Variants in ARHGAP11A observed in about 807,000 individuals in gnomAD.
ARHGAP11A encodes the protein rho GTPase-activating protein 11A.
ARHGAP11A carries 36 observed loss-of-function variants against 60.5 expected under a neutral mutation model. That is an observed-to-expected ratio of 0.59 (90% CI 0.46 to 0.79). The LOEUF is 0.79. Among genes scored for constraint, ARHGAP11A ranks in the 30% least tolerant of loss-of-function variants. ARHGAP11A has a pLI of 0.00. For missense variants in ARHGAP11A, 1,071 were observed against 1,199.2 expected, an observed-to-expected ratio of 0.89 and a Z score of 1.58; for synonymous variants, 362 against 415.5, an observed-to-expected ratio of 0.87 and a Z score of 1.57.
At chr15:32,626,931 A>G (rs1595767001) in intron 6 of ARHGAP11A, among the ~76,000 whole-genome samples, 1 of 152,308 alleles carries the variant, frequency 6.6e-6, no homozygotes, top group East Asian at 1.9e-4. Context: ...AAAGACACGA[A>G]TTCCAAGTAT....
At chr15:32,627,720 C>G (rs1176121957) in intron 6 of ARHGAP11A, among the ~76,000 whole-genome samples, 1 of 152,050 alleles carries the variant, frequency 6.6e-6, no homozygotes, top group Non-Finnish European at 1.5e-5. Flanking sequence ...CATAGCGAGA[C>G]TCCGTCTCAA....
At chr15:32,631,532 T>G (rs1052537752) in intron 8 of ARHGAP11A, among the ~76,000 whole-genome samples, 1 of 152,042 alleles carries the variant, frequency 6.6e-6, no homozygotes, top group Non-Finnish European at 1.5e-5. Flanking sequence ...ACTCCCGACA[T>G]TAGCTGATCA....
intron 1 of ARHGAP11A, among the ~76,000 whole-genome samples, chr15:32,619,181 A>G (rs1486789146): frequency 1.3e-5 from 2 of 152,326 alleles, no homozygotes; most frequent in Non-Finnish European, 2.9e-5. Flanking sequence ...TTCTTGGTTG[A>G]TAACTTGTGA....
chr15:32,626,217 C>T (rs535668556), intron 6 of ARHGAP11A, among the ~76,000 whole-genome samples: 9 of 150,588 alleles, frequency 6.0e-5, no homozygotes, highest in African/African-American at 2.2e-4. Flanking sequence ...AGAATTGAGA[C>T]TTGGAAGTAG....
At chr15:32,629,149 A>G (rs2053533080) in intron 7 of ARHGAP11A, among the ~76,000 whole-genome samples, 2 of 148,936 alleles carry the variant, frequency 1.3e-5, no homozygotes, top group Non-Finnish European at 3.0e-5. Context: ...TCAATTTTTT[A>G]TTCTAATTTG....
intron 6 of ARHGAP11A, among the ~76,000 whole-genome samples, chr15:32,627,967 G>A (rs145445608): frequency 0.045 from 6,877 of 151,830 alleles, 173 homozygotes; most frequent in Middle Eastern, 0.078. Context: ...ACGCTACCAC[G>A]CCTGGCTAAT....
chr15:32,639,705 T>TA lies in ARHGAP11A; in HGVS notation c.*1861dup, dbSNP rs1175626831. The TA allele has an allele frequency of 2.6e-5, 4 of 152,212 alleles. No individual in the cohort carries two copies. The highest frequency in any genetic ancestry group is 4.8e-5 in the African/African-American group (2 of 41,450). 9.4% of individuals were successfully genotyped at this position (152,212 alleles called of 1,614,324 possible). A position where few individuals can be genotyped will look rare whatever the true frequency, so the allele number is the denominator to read the frequency against. Reference sequence around the variant, plus strand: ...TATTTTTGTTAGCTGAAAGCTGCTATACGGAGTATTACAGGAATGTGAAGG... The same window carrying TA: ...TATTTTTGTTAGCTGAAAGCTGCTATAACGGAGTATTACAGGAATGTGAAGG... On this transcript the variant is annotated 3_prime_UTR_variant, in exon 12 of 12. Coordinates refer to ENST00000361627, the MANE Select transcript of ARHGAP11A (RefSeq NM_014783.6).
rs1326653448 is a variant in ARHGAP11A at position 32,639,230 on chromosome 15, C to G, written c.*1385C>G. On this transcript the variant is annotated 3_prime_UTR_variant, in exon 12 of 12. Transcript: ENST00000361627. ...AGGAATAAGCAGACAGAATCAACCA[C>G]TAAAGGTAGTTTTTCAGATTGGTTG... 6.6e-6 allele frequency: 1 copy of G among 152,184 alleles called. No individual in the cohort carries two copies. The highest frequency in any genetic ancestry group is 2.4e-5 in the African/African-American group (1 of 41,446). 9.4% of individuals were successfully genotyped at this position (152,184 alleles called of 1,614,324 possible). A position where few individuals can be genotyped will look rare whatever the true frequency, so the allele number is the denominator to read the frequency against.
chr15:32,634,142 C>T (rs2053650720), intron 10 of ARHGAP11A, 101 bp downstream of exon 10: 1 of 759,956 alleles, frequency 1.3e-6, no homozygotes, highest in Non-Finnish European at 2.1e-6. Flanking sequence ...GTGACTGTCT[C>T]ATTCTGTTCT....
chr15:32,617,696 T>G (rs1044288907), intron 1 of ARHGAP11A, among the ~76,000 whole-genome samples: 3 of 152,226 alleles, frequency 2.0e-5, no homozygotes, highest in Admixed American at 6.5e-5. Context: ...ATGGTCTCGA[T>G]CTCCTGCCCT....
At chr15:32,623,385 C>A in intron 2 of ARHGAP11A, 107 bp from the exon 3 acceptor site, 2 of 985,320 alleles carry the variant, frequency 2.0e-6, no homozygotes, top group Non-Finnish European at 2.9e-6. Flanking sequence ...AGATTTGTGG[C>A]TTTAGAGCCT....
chr15:32,626,079 T>C (rs980962251), intron 6 of ARHGAP11A, among the ~76,000 whole-genome samples: 1 of 152,026 alleles, frequency 6.6e-6, no homozygotes, highest in African/African-American at 2.4e-5. Flanking sequence ...GGATAAAGGA[T>C]GGTATTATGG....
In ARHGAP11A at chr15:32,639,615, G is replaced by A. The variant is rs2053802999; in HGVS notation, c.*1770G>A. 6.6e-6 allele frequency: 1 copy of A among 152,144 alleles called. No individual in the cohort carries two copies. The highest frequency in any genetic ancestry group is 2.4e-5 in the African/African-American group (1 of 41,416). The allele number at this position is 152,144 out of a possible 1,614,324, so 9.4% of individuals were successfully genotyped here. On this transcript the variant is annotated 3_prime_UTR_variant, in exon 12 of 12. Transcript: ENST00000361627. ...TTTAACTGTACATACTACCTGAACTGGCTTTTCTGAGAGATGAATCAATAA... is the reference window on the plus strand; with the variant it reads ...TTTAACTGTACATACTACCTGAACTAGCTTTTCTGAGAGATGAATCAATAA...
chr15:32,636,878 ACATT>A lies in ARHGAP11A; in HGVS notation c.2112_2115del (p.His704GlnfsTer8), dbSNP rs1166032342. On this transcript the variant is annotated frameshift_variant, in exon 12 of 12. Coordinates refer to ENST00000361627, the MANE Select transcript of ARHGAP11A (RefSeq NM_014783.6). LOFTEE classifies it low-confidence loss of function (END_TRUNC). ...CAGATGAAGATGGAACATGAAAAAG[ACATT>A]CATTCAAATATGCCAAAAGATTATT... 9 of 1,613,014 alleles carry A rather than the reference ACATT, an allele frequency of 5.6e-6. No individual in the cohort carries two copies. The highest frequency in any genetic ancestry group is 1.3e-5 in the African/African-American group (1 of 74,976).
At position 32,637,776 on chromosome 15, in the gene ARHGAP11A, C is replaced by A; in HGVS notation, c.3003C>A (p.Tyr1001Ter). The A allele has an allele frequency of 6.2e-7, 1 of 1,611,150 alleles. No homozygotes were observed. The highest frequency in any genetic ancestry group is 8.5e-7 in the Non-Finnish European group (1 of 1,179,252). ...RRPSERGRAW[Y>*]KGSPKHPIGK... Reference sequence around the variant, plus strand: ...CATCAGAAAGAGGAAGGGCCTGGTACAAAGGTTCTCCAAAACATCCTATCG... The same window carrying A: ...CATCAGAAAGAGGAAGGGCCTGGTAAAAAGGTTCTCCAAAACATCCTATCG... The change falls in exon 12 of 12, where the codon TAC (tyrosine) becomes TAA (stop). Residue 1001 changes from tyrosine (Y) to a stop codon, truncating the protein, a stop_gained. Coordinates refer to ENST00000361627, the MANE Select transcript of ARHGAP11A (RefSeq NM_014783.6). LOFTEE classifies it high-confidence loss of function.
chr15:32,628,809 A>G lies in ARHGAP11A; in HGVS notation c.937+7A>G. On this transcript the variant is annotated splice_region_variant and intron_variant, in intron 7 of 11. Transcript: ENST00000361627. ...CCTCAAGAAGAAAGAATTGGTAGGT[A>G]TTTATTATATGCATTTATTTAAATT... 1.3e-6 allele frequency: 2 copies of G among 1,523,848 alleles called. No homozygotes were observed. The highest frequency in any genetic ancestry group is 1.8e-6 in the Non-Finnish European group (2 of 1,137,414). 94.4% of individuals were successfully genotyped at this position (1,523,848 alleles called of 1,614,324 possible).
chr15:32,633,360 G>T (rs2053628781), intron 9 of ARHGAP11A, among the ~76,000 whole-genome samples: 1 of 152,106 alleles, frequency 6.6e-6, no homozygotes, highest in African/African-American at 2.4e-5. Context: ...CCTGTTAGAG[G>T]CTGGGCACGG....
In ARHGAP11A at chr15:32,638,710, T is replaced by C. The variant is rs1166847776; in HGVS notation, c.*865T>C. The C allele has an allele frequency of 6.6e-6, 1 of 152,634 alleles. No homozygotes were observed. The highest frequency in any genetic ancestry group is 1.5e-5 in the Non-Finnish European group (1 of 68,042). The allele number at this position is 152,634 out of a possible 1,614,324, so 9.5% of individuals were successfully genotyped here. ...TTGTGTTCACTCGAACTAAGAACAA[T>C]GGTTAAGGCAGAATAATGACTAAAA... is the stretch of plus-strand genomic sequence containing the variant. On this transcript the variant is annotated 3_prime_UTR_variant, in exon 12 of 12. Transcript: ENST00000361627.
In ARHGAP11A at chr15:32,635,852, A is replaced by G; in HGVS notation, c.1420A>G (p.Ile474Val). The G allele has an allele frequency of 1.2e-6, 2 of 1,611,558 alleles. No homozygotes were observed. The highest frequency in any genetic ancestry group is 1.7e-6 in the Non-Finnish European group (2 of 1,179,292). Residue 474 changes from isoleucine to valine, a missense_variant, in exon 11 of 12, where the codon ATT (isoleucine) becomes GTT (valine). By Grantham distance (29) the Ile-to-Val change is conservative. Coordinates refer to ENST00000361627, the MANE Select transcript of ARHGAP11A (RefSeq NM_014783.6). ...LANQQSLKNR[I>V]ESVKTGLLFS... ...AAATCAACAAAGTTTAAAAAATCGA[A>G]TTGAATCTGTAAAAACAGGTTTGCT...
Sources: gnomAD v4.1 joint callset for allele counts (sites outside exome capture counted in the v4.1 genomes callset) on GRCh38, gnomAD v4.1.1 for gene constraint, MANE v1.5 for transcripts, NCBI Gene and HGNC (gene_info 2026-07-23, HGNC 2026-07-21) for gene names.